The following DYRK1A variants were observed in gnomAD, a reference collection of about 807,000 sequenced individuals.
DYRK1A encodes the protein dual specificity tyrosine-phosphorylation-regulated kinase 1A.
Under a neutral mutation model 79.7 loss-of-function variants are expected in DYRK1A, and 9 were observed. The observed-to-expected ratio is 0.11, with a 90% CI of 0.07 to 0.20. The LOEUF is 0.20. DYRK1A is among the 10% of genes least tolerant of loss of function. DYRK1A has a pLI of 1.00. For synonymous variants in DYRK1A, 349 were observed against 329.7 expected (o/e 1.06, Z -0.63); for missense variants, 622 against 956.0 (o/e 0.65, Z 4.61).
intron 3 of DYRK1A, among the ~76,000 whole-genome samples, chr21:37,473,795 G>GT (rs1199135803): frequency 3.5e-5 from 5 of 143,986 alleles, no homozygotes; most frequent in Non-Finnish European, 7.5e-5. Flanking sequence ...AACATTCACA[G>GT]TTAAATCGTT....
chr21:37,494,108 T>C (rs1235169671), intron 8 of DYRK1A, among the ~76,000 whole-genome samples: 2 of 151,936 alleles, frequency 1.3e-5, no homozygotes, highest in Non-Finnish European at 1.5e-5. Context: ...GCCAGGCTGC[T>C]CTCGAACTCC....
At chr21:37,461,079 G>A (rs1195579429) in intron 2 of DYRK1A, among the ~76,000 whole-genome samples, 1 of 152,116 alleles carries the variant, frequency 6.6e-6, no homozygotes, top group Non-Finnish European at 1.5e-5. Context: ...GTAGGGTTAA[G>A]TAAGATTTTC....
At chr21:37,495,565 G>A (rs925426410) in intron 8 of DYRK1A, among the ~76,000 whole-genome samples, 2 of 152,130 alleles carry the variant, frequency 1.3e-5, no homozygotes, top group African/African-American at 4.8e-5. Context: ...CTGGGAGGTG[G>A]AGGTTGCAGT....
chr21:37,502,304 G>A (rs1199753740), intron 9 of DYRK1A: 2 of 151,990 alleles, frequency 1.3e-5, no homozygotes, highest in Non-Finnish European at 2.9e-5. Context: ...TTTGTGTTCT[G>A]TTTGTCTTTC....
intron 1 of DYRK1A, among the ~76,000 whole-genome samples, chr21:37,381,342 C>T (rs767370766): frequency 6.6e-6 from 1 of 152,052 alleles, no homozygotes; most frequent in Non-Finnish European, 1.5e-5. Flanking sequence ...GAAAATTATT[C>T]GTGGAATAAT....
chr21:37,396,951 ATC>A, intron 1 of DYRK1A, among the ~76,000 whole-genome samples: 1 of 152,306 alleles, frequency 6.6e-6, no homozygotes, highest in East Asian at 1.9e-4. Flanking sequence ...TCACGTGGTC[ATC>A]TGGAGTCATG....
intron 1 of DYRK1A, among the ~76,000 whole-genome samples, chr21:37,411,998 G>A (rs2050254526): frequency 6.6e-6 from 1 of 152,180 alleles, no homozygotes; most frequent in Admixed American, 6.5e-5. Flanking sequence ...AGAAATACGA[G>A]ATCTAGTGGT....
rs146527751 is a variant in DYRK1A at position 37,499,790 on chromosome 21, A to G, written c.1212+3532A>G. On this transcript the variant is annotated intron_variant, in intron 9 of 11. Coordinates refer to ENST00000647188, the MANE Select transcript of DYRK1A (RefSeq NM_001347721.2). ...TCCTAAGACCTTGCTAAATTCACCT[A>G]TTCTAGTACAGTTGACCCTTGAACA... Among the ~76,000 whole-genome samples, 889 of 152,316 alleles carry G rather than the reference A, an allele frequency of 5.8e-3. 4 individuals carry two copies. The highest frequency in any genetic ancestry group is 0.012 in the South Asian group (56 of 4,824).
intron 1 of DYRK1A, chr21:37,375,011 A>G (rs1233212043): frequency 6.6e-6 from 1 of 152,230 alleles, no homozygotes; most frequent in African/African-American, 2.4e-5. Context: ...TGGGACTAGC[A>G]TTGTTTTTCC....
At chr21:37,403,646 A>C (rs200754900) in intron 1 of DYRK1A, among the ~76,000 whole-genome samples, 1 of 96,564 alleles carries the variant, frequency 1.0e-5, no homozygotes, top group African/African-American at 3.9e-5. Flanking sequence ...AAAAAAAAAA[A>C]AAATATATAT....
chr21:37,431,783 T>A (rs571622662), intron 2 of DYRK1A, among the ~76,000 whole-genome samples: 5 of 152,366 alleles, frequency 3.3e-5, no homozygotes, highest in African/African-American at 1.2e-4. Context: ...TTATGTAGTT[T>A]GTATAGATGT....
intron 9 of DYRK1A, 72 bp from the exon 10 acceptor site, chr21:37,505,208 ATTT>A (rs908615648): frequency 8.2e-7 from 1 of 1,214,092 alleles, no homozygotes; most frequent in Non-Finnish European, 1.2e-6. Flanking sequence ...ATTTAAACAT[ATTT>A]GAAATTCAAT....
At chr21:37,383,647 T>G (rs528067017) in intron 1 of DYRK1A, among the ~76,000 whole-genome samples, 1 of 152,350 alleles carries the variant, frequency 6.6e-6, no homozygotes, top group South Asian at 2.1e-4. Context: ...TTTGAGTGCC[T>G]CTTCTTGGCT....
chr21:37,385,103 T>TA (rs2049734594), intron 1 of DYRK1A, among the ~76,000 whole-genome samples: 1 of 152,036 alleles, frequency 6.6e-6, no homozygotes, highest in Admixed American at 6.6e-5. Context: ...TACATGAAGT[T>TA]AGAGTAGTTG....
chr21:37,376,871 C>T (rs940769907), intron 1 of DYRK1A, among the ~76,000 whole-genome samples: 2 of 152,088 alleles, frequency 1.3e-5, no homozygotes, highest in Admixed American at 1.3e-4. Flanking sequence ...TTTCCCCCTT[C>T]TCATGTTCCA....
At chr21:37,406,863 A>T (rs950224510) in intron 1 of DYRK1A, among the ~76,000 whole-genome samples, 2 of 148,394 alleles carry the variant, frequency 1.3e-5, no homozygotes, top group African/African-American at 4.9e-5. Context: ...GACTTTTACT[A>T]GTGAAAATTT....
intron 1 of DYRK1A, among the ~76,000 whole-genome samples, chr21:37,388,798 T>C (rs1216714956): frequency 6.6e-6 from 1 of 151,486 alleles, no homozygotes; most frequent in Non-Finnish European, 1.5e-5. Flanking sequence ...GTGCCCACCA[T>C]CATGCCCGGC....
chr21:37,462,846 C>T (rs2051888980), intron 2 of DYRK1A, among the ~76,000 whole-genome samples: 1 of 152,084 alleles, frequency 6.6e-6, no homozygotes, highest in Non-Finnish European at 1.5e-5. Context: ...TCAGTCATCA[C>T]GATTCTGCAC....
chr21:37,409,826 T>A (rs1361151339), intron 1 of DYRK1A, among the ~76,000 whole-genome samples: 1 of 152,206 alleles, frequency 6.6e-6, no homozygotes, highest in Non-Finnish European at 1.5e-5. Flanking sequence ...CTTTCTAATA[T>A]AATGGTATAA....
Sources: gnomAD v4.1 joint callset for allele counts (sites outside exome capture counted in the v4.1 genomes callset) on GRCh38, gnomAD v4.1.1 for gene constraint, MANE v1.5 for transcripts, NCBI Gene and HGNC (gene_info 2026-07-23, HGNC 2026-07-21) for gene names.